UVRAG: variants seen among roughly 807,000 people sequenced by gnomAD.
The protein encoded by UVRAG is UV radiation resistance associated.
Under a neutral mutation model 78.0 loss-of-function variants are expected in UVRAG, and 19 were observed. That is an observed-to-expected ratio of 0.24 (90% confidence interval 0.17 to 0.36). UVRAG has a LOEUF of 0.36. Among genes scored for constraint, UVRAG ranks in the 10% least tolerant of loss-of-function variants. The probability of loss-of-function intolerance (pLI) is 1.00; values close to 1 mark genes in which losing one functional copy is unlikely to be tolerated. For missense variants in UVRAG, 740 were observed against 853.8 expected (o/e 0.87, Z 1.66); for synonymous variants, 323 against 324.6 (o/e 1.00, Z 0.05).
intron 5 of UVRAG, among the ~76,000 whole-genome samples, chr11:75,905,886 T>G (rs905855018): frequency 7.6e-5 from 11 of 145,402 alleles, no homozygotes; most frequent in African/African-American, 2.8e-4. Context: ...ACTGCTAAAC[T>G]TTTTTTTTTT....
chr11:75,920,568 C>T (rs1947958651), intron 6 of UVRAG, among the ~76,000 whole-genome samples: 1 of 151,832 alleles, frequency 6.6e-6, no homozygotes, highest in East Asian at 1.9e-4. Flanking sequence ...CTTTTTGGCT[C>T]ATCTTCTTCT....
At chr11:76,035,917 A>G (rs1160344486) in intron 12 of UVRAG, among the ~76,000 whole-genome samples, 1 of 152,192 alleles carries the variant, frequency 6.6e-6, no homozygotes. Flanking sequence ...CCCTTGTCTC[A>G]TGAGTAAATA....
intron 6 of UVRAG, chr11:75,916,068 GAA>G (rs1947846129): frequency 1.3e-5 from 2 of 152,120 alleles, no homozygotes; most frequent in African/African-American, 4.8e-5. Context: ...GTTATAGTAA[GAA>G]AAGTAATAAT....
At chr11:75,862,427 A>C (rs898076365) in intron 3 of UVRAG, among the ~76,000 whole-genome samples, 2 of 152,232 alleles carry the variant, frequency 1.3e-5, no homozygotes, top group Non-Finnish European at 2.9e-5. Context: ...AAAACAAAGA[A>C]GACCTTTCTG....
intron 12 of UVRAG, among the ~76,000 whole-genome samples, chr11:76,038,272 T>G (rs943478251): frequency 2.0e-5 from 3 of 151,988 alleles, no homozygotes; most frequent in African/African-American, 7.3e-5. Context: ...CTACTGGAGA[T>G]AGAATTAACA....
At chr11:75,827,472 G>A (rs184015167) in intron 1 of UVRAG, among the ~76,000 whole-genome samples, 1,709 of 152,142 alleles carry the variant, frequency 0.011, 31 homozygotes, top group African/African-American at 0.039. Context: ...TTAGCTGGGC[G>A]TGGTGGCGGG....
intron 3 of UVRAG, among the ~76,000 whole-genome samples, chr11:75,872,676 C>T (rs1946681040): frequency 1.3e-5 from 2 of 152,124 alleles, no homozygotes; most frequent in African/African-American, 2.4e-5. Context: ...TGTGAGCCAC[C>T]ACTCCCGGCC....
chr11:76,123,215 A>G lies in UVRAG; in HGVS notation c.1397+7200A>G, dbSNP rs1952323281. ...TTCCTCAGGGAAACCCACCAGAGTCAAATCCAGAGCGCTGGAAAGATACAC... is the reference window on the plus strand; with the variant it reads ...TTCCTCAGGGAAACCCACCAGAGTCGAATCCAGAGCGCTGGAAAGATACAC... On this transcript the variant is annotated intron_variant, in intron 14 of 14. Transcript: ENST00000356136. Among the ~76,000 whole-genome samples the G allele has an allele frequency of 2.0e-5, 3 of 152,206 alleles. No homozygotes were observed. In the South Asian group the frequency reaches 6.2e-4, roughly 32 times the overall value.
At chr11:75,994,068 A>AG (rs1949661479) in intron 8 of UVRAG, among the ~76,000 whole-genome samples, 1 of 152,182 alleles carries the variant, frequency 6.6e-6, no homozygotes, top group Non-Finnish European at 1.5e-5. Context: ...TCCAACATTG[A>AG]GGATCACATT....
Position 76,140,891 on chromosome 11 carries a change from A to C in UVRAG, c.1578A>C (p.Ala526=), listed in dbSNP as rs750434867. The change falls in exon 15 of 15, where the codon GCA becomes GCC. Residue 526 remains alanine (A), a synonymous_variant. Transcript: ENST00000356136. ...YKTPPPSYNS[A]LAQPVTTVPS... Reference sequence around the variant, plus strand: ...CCCCTCCTCCCAGTTACAACTCAGCATTAGCCCAGCCTGTGACCACCGTCC... The same window carrying C: ...CCCCTCCTCCCAGTTACAACTCAGCCTTAGCCCAGCCTGTGACCACCGTCC... The C allele has an allele frequency of 5.0e-6, 8 of 1,614,082 alleles. No individual in the cohort carries two copies. In the East Asian group the frequency reaches 8.9e-5, roughly 18 times the overall value.
chr11:76,095,806 G>C (rs758163895), intron 13 of UVRAG, among the ~76,000 whole-genome samples: 4 of 149,836 alleles, frequency 2.7e-5, no homozygotes, highest in Non-Finnish European at 5.9e-5. Context: ...AATAGTTTAA[G>C]GTTGCAGTGA....
intron 1 of UVRAG, among the ~76,000 whole-genome samples, chr11:75,832,505 T>A (rs1438180618): frequency 6.6e-6 from 1 of 152,174 alleles, no homozygotes; most frequent in East Asian, 1.9e-4. Context: ...GGGCAAGGTA[T>A]GGGGGAAGGG....
chr11:76,051,692 T>G (rs1950872191), intron 12 of UVRAG, among the ~76,000 whole-genome samples: 1 of 152,212 alleles, frequency 6.6e-6, no homozygotes, highest in African/African-American at 2.4e-5. Flanking sequence ...AAAGAGAATG[T>G]TCTGGTGTAA....
intron 3 of UVRAG, 61 bp downstream of exon 3, chr11:75,861,841 C>A: frequency 1.4e-6 from 2 of 1,391,376 alleles, no homozygotes; most frequent in Non-Finnish European, 1.0e-6. Flanking sequence ...TCAGAAAATG[C>A]AGAAATGTAA....
At chr11:75,877,835 C>T (rs1345107742) in intron 3 of UVRAG, among the ~76,000 whole-genome samples, 103 of 119,386 alleles carry the variant, frequency 8.6e-4, no homozygotes, top group Non-Finnish European at 1.0e-3. Flanking sequence ...CCTCACCTCC[C>T]GGACGGGGCG....
chr11:76,058,750 A>C (rs1169058753), intron 12 of UVRAG, among the ~76,000 whole-genome samples: 2 of 152,190 alleles, frequency 1.3e-5, no homozygotes, highest in Admixed American at 1.3e-4. Flanking sequence ...ATCAATCTCT[A>C]GGCATTAAAT....
At chr11:76,093,046 C>G (rs866135920) in intron 13 of UVRAG, among the ~76,000 whole-genome samples, 2 of 152,204 alleles carry the variant, frequency 1.3e-5, no homozygotes. Flanking sequence ...TTTCAGCTTT[C>G]TACGTATGGC....
At chr11:75,877,227 CAA>C (rs1946808385) in intron 3 of UVRAG, among the ~76,000 whole-genome samples, 1 of 152,168 alleles carries the variant, frequency 6.6e-6, no homozygotes, top group African/African-American at 2.4e-5. Context: ...AGAACAAAAT[CAA>C]AAGTCTCCCA....
chr11:75,884,751 TTC>T (rs1179697642), intron 4 of UVRAG, among the ~76,000 whole-genome samples: 2 of 152,278 alleles, frequency 1.3e-5, no homozygotes, highest in South Asian at 2.1e-4. Flanking sequence ...TGATCTGTAT[TTC>T]TGTCTTAATG....
Sources: gnomAD v4.1 joint callset for allele counts (sites outside exome capture counted in the v4.1 genomes callset) on GRCh38, gnomAD v4.1.1 for gene constraint, MANE v1.5 for transcripts, NCBI Gene and HGNC (gene_info 2026-07-23, HGNC 2026-07-21) for gene names.